BARX2: variants seen among roughly 807,000 people sequenced by gnomAD.
BARX2 encodes the protein BARX homeobox 2, also known as homeobox protein BarH-like 2.
In BARX2, 11 loss-of-function variants were observed where a neutral mutation model predicts 25.5. The observed-to-expected ratio is 0.43, with a 90% CI of 0.27 to 0.71. The LOEUF is 0.71. Ranked by LOEUF, BARX2 falls within the 30% of genes least tolerant of loss-of-function variation. BARX2 has a pLI of 0.19. For synonymous variants in BARX2, 137 were observed against 149.5 expected, an observed-to-expected ratio of 0.92 and a Z score of 0.61; for missense variants, 360 against 359.9, an observed-to-expected ratio of 1.00 and a Z score of 0.00.
In BARX2 at chr11:129,436,639, A is replaced by G. The variant is rs1216676480; in HGVS notation, c.188-112A>G. 8.2e-7 allele frequency: 1 copy of G among 1,214,260 alleles called. No homozygotes were observed. Among genetic ancestry groups the G allele is most frequent in the South Asian group, 1.6e-5 (1 of 62,668 alleles). 75.2% of individuals were successfully genotyped at this position (1,214,260 alleles called of 1,614,324 possible). ...CCCCTTCCTCCATCTGTACCTCCTT[A>G]AGAGCAGGGCCCTCCCTGTCAGACA... On this transcript the variant is annotated intron_variant, in intron 1 of 3. Transcript: ENST00000281437. This position sits in a 1 kb window ranked among gnomAD's most constrained non-coding sequence, Gnocchi z 4.5.
intron 1 of BARX2, among the ~76,000 whole-genome samples, chr11:129,379,487 T>C (rs1421621828): frequency 6.6e-6 from 1 of 152,230 alleles, no homozygotes; most frequent in East Asian, 1.9e-4. Context: ...TAGGATATCA[T>C]AAATACACTT....
At chr11:129,414,773 T>A (rs2029696) in intron 1 of BARX2, among the ~76,000 whole-genome samples, 2,533 of 152,334 alleles carry the variant, frequency 0.017, 59 homozygotes, top group African/African-American at 0.055. Context: ...ATCAAAGGTA[T>A]GTGAAGATAC....
rs565796939 is a variant in BARX2 at position 129,390,904 on chromosome 11, G to A, written c.187+14682G>A. ...TTCATGCAGTGGCGCACAGAAAATT[G>A]TGTGTACTTGACGCACAGGCGGTGT... On this transcript the variant is annotated intron_variant, in intron 1 of 3. Coordinates refer to ENST00000281437, the MANE Select transcript of BARX2 (RefSeq NM_003658.5). The surrounding 1 kb of genome is among the most constrained non-coding windows in gnomAD (Gnocchi z 4.3). 6.6e-6 allele frequency among the ~76,000 whole-genome samples: 1 copy of A among 152,320 alleles called. No individual in the cohort carries two copies. The highest frequency in any genetic ancestry group is 1.9e-4 in the East Asian group (1 of 5,184).
chr11:129,434,294 A>G (rs527428131), intron 1 of BARX2, among the ~76,000 whole-genome samples: 2 of 150,390 alleles, frequency 1.3e-5, no homozygotes, highest in East Asian at 3.9e-4. Flanking sequence ...ACTGGGCACG[A>G]TGGCTCACAC....
Position 129,376,143 on chromosome 11 carries a change from C to T in BARX2, c.108C>T (p.Cys36=). ...ACGAGATCCTCTCCAAGGAGACCTG[C>T]GATTACTTTGAGAAACTTTCCCTCT... The part of the protein sequence containing the change: ...MIDEILSKET[C]DYFEKLSLYS... Residue 36 remains cysteine (C), a synonymous_variant, in exon 1 of 4, where the codon TGC becomes TGT. Transcript: ENST00000281437. This position sits in a 1 kb window ranked among gnomAD's most constrained non-coding sequence, Gnocchi z 4.2. 1.2e-6 allele frequency: 2 copies of T among 1,613,680 alleles called. No homozygotes were observed. The highest frequency in any genetic ancestry group is 1.7e-6 in the Non-Finnish European group (2 of 1,179,796).
chr11:129,450,651 A>G (rs1298367103), intron 3 of BARX2, among the ~76,000 whole-genome samples: 1 of 152,172 alleles, frequency 6.6e-6, no homozygotes, highest in Non-Finnish European at 1.5e-5. Flanking sequence ...AGTCTTAGAT[A>G]ATTTTTTAGA....
chr11:129,437,554 A>ATT, intron 2 of BARX2: 1 of 971,106 alleles, frequency 1.0e-6, no homozygotes. Flanking sequence ...ATGTTAGTGA[A>ATT]TTTGCTGGAT....
intron 1 of BARX2, among the ~76,000 whole-genome samples, chr11:129,397,805 A>G (rs1861737384): frequency 6.6e-6 from 1 of 152,212 alleles, no homozygotes; most frequent in African/African-American, 2.4e-5. Flanking sequence ...GCAGTTGGTG[A>G]GGGCCCAGGG....
At chr11:129,450,281 T>C (rs903274558) in intron 3 of BARX2, among the ~76,000 whole-genome samples, 13 of 152,224 alleles carry the variant, frequency 8.5e-5, no homozygotes, top group African/African-American at 2.2e-4. Flanking sequence ...GAAATACTTA[T>C]GTTTGATCAT....
intron 1 of BARX2, among the ~76,000 whole-genome samples, chr11:129,408,600 C>A (rs73569152): frequency 0.041 from 6,312 of 152,226 alleles, 475 homozygotes; most frequent in African/African-American, 0.14. Context: ...TTGTTCCACT[C>A]TCTGGAACAC....
At chr11:129,417,872 G>A (rs1258282996) in intron 1 of BARX2, among the ~76,000 whole-genome samples, 1 of 152,132 alleles carries the variant, frequency 6.6e-6, no homozygotes, top group Non-Finnish European at 1.5e-5. Context: ...ATTTTCTGAT[G>A]CAGTTTCAAA....
rs536997471 is a variant in BARX2 at position 129,419,537 on chromosome 11, C to CA, written c.188-17213dup. Among the ~76,000 whole-genome samples, 397 of 152,324 alleles carry CA rather than the reference C, an allele frequency of 2.6e-3. 3 individuals are homozygous for CA. The highest frequency in any genetic ancestry group is 6.8e-3 in the Middle Eastern group (2 of 294). ...ATCCAACAGACTTCTGCTCAAATCTCAGACATGTGACCTCATCATGGGATA... is the reference window on the plus strand; with the variant it reads ...ATCCAACAGACTTCTGCTCAAATCTCAAGACATGTGACCTCATCATGGGATA... On this transcript the variant is annotated intron_variant, in intron 1 of 3. Transcript: ENST00000281437.
intron 1 of BARX2, among the ~76,000 whole-genome samples, chr11:129,428,277 C>T (rs1245618322): frequency 1.3e-5 from 2 of 152,168 alleles, no homozygotes; most frequent in African/African-American, 4.8e-5. Context: ...TCTAGGGTAG[C>T]AGGGCAGCTG....
At chr11:129,431,284 G>A (rs1205437405) in intron 1 of BARX2, among the ~76,000 whole-genome samples, 1 of 152,148 alleles carries the variant, frequency 6.6e-6, no homozygotes, top group African/African-American at 2.4e-5. Flanking sequence ...ACAGGGTTTT[G>A]TGTTCTCTTT....
At chr11:129,386,171 A>T (rs141533927) in intron 1 of BARX2, among the ~76,000 whole-genome samples, 1 of 152,300 alleles carries the variant, frequency 6.6e-6, no homozygotes, top group African/African-American at 2.4e-5. Context: ...ATGACTAGTG[A>T]AGTATTTGGT....
At chr11:129,448,864 T>C (rs1388664991) in intron 3 of BARX2, among the ~76,000 whole-genome samples, 1 of 152,228 alleles carries the variant, frequency 6.6e-6, no homozygotes, top group African/African-American at 2.4e-5. Context: ...TGGAATATTA[T>C]TTACTGATAA....
At chr11:129,450,176 T>C (rs1862379657) in intron 3 of BARX2, among the ~76,000 whole-genome samples, 4 of 152,238 alleles carry the variant, frequency 2.6e-5, no homozygotes, top group Non-Finnish European at 2.9e-5. Context: ...CCAGTTTTTC[T>C]ACTATCAAAG....
At chr11:129,399,155 T>C (rs558510688) in intron 1 of BARX2, among the ~76,000 whole-genome samples, 108 of 152,338 alleles carry the variant, frequency 7.1e-4, no homozygotes, top group African/African-American at 2.4e-3. Context: ...CAGTGGAATA[T>C]TGAATTCATA....
chr11:129,376,687 A>G lies in BARX2; in HGVS notation c.187+465A>G, dbSNP rs949189231. On this transcript the variant is annotated intron_variant, in intron 1 of 3. Coordinates refer to ENST00000281437, the MANE Select transcript of BARX2 (RefSeq NM_003658.5). The surrounding 1 kb of genome is among the most constrained non-coding windows in gnomAD (Gnocchi z 4.2). ...GTAAATCAGTATCCTGAGGTTCTCA[A>G]CAAAATCTCGAATTCACTGAGCTTT... is the stretch of plus-strand genomic sequence containing the variant. 5.3e-5 allele frequency among the ~76,000 whole-genome samples: 8 copies of G among 152,244 alleles called. No homozygotes were observed. Among genetic ancestry groups the G allele is most frequent in the African/African-American group, 1.9e-4 (8 of 41,464 alleles).
Sources: gnomAD v4.1 joint callset for allele counts (sites outside exome capture counted in the v4.1 genomes callset) on GRCh38, gnomAD v4.1.1 for gene constraint, Gnocchi (gnomAD v3.1) non-coding constraint, MANE v1.5 for transcripts, NCBI Gene and HGNC (gene_info 2026-07-23, HGNC 2026-07-21) for gene names.